ACTR3C: variants seen among roughly 807,000 people sequenced by gnomAD.
ACTR3C encodes actin-related protein 3C.
Under a neutral mutation model 26.3 loss-of-function variants are expected in ACTR3C, and 18 were observed. That is an observed-to-expected ratio of 0.68 (90% CI 0.47 to 1.01). The LOEUF is 1.01. Ranked by LOEUF, ACTR3C falls within the 50% of genes least tolerant of loss-of-function variation. The pLI is 0.00. For synonymous variants in ACTR3C, 55 were observed against 94.5 expected, an observed-to-expected ratio of 0.58 and a Z score of 2.42; for missense variants, 184 against 250.7, an observed-to-expected ratio of 0.73 and a Z score of 1.80.
chr7:150,200,757 A>G, the ACTR3C span, among the ~76,000 whole-genome samples: 2 of 152,154 alleles, frequency 1.3e-5, no homozygotes, highest in African/African-American at 4.8e-5. Context: ...AAGTTACTTA[A>G]TATCTCTGAG....
chr7:150,215,215 C>T, the ACTR3C span, among the ~76,000 whole-genome samples: 6 of 152,178 alleles, frequency 3.9e-5, no homozygotes, highest in East Asian at 1.2e-3. Flanking sequence ...AGTCAGCAAA[C>T]TCCTGTGGGT....
chr7:150,013,558 T>C, the ACTR3C span, among the ~76,000 whole-genome samples: 13 of 152,370 alleles, frequency 8.5e-5, no homozygotes, highest in African/African-American at 3.1e-4. Flanking sequence ...CTGGAGGCAC[T>C]GCATGGAACC....
the ACTR3C span, among the ~76,000 whole-genome samples, chr7:150,206,945 A>G: frequency 6.6e-5 from 10 of 152,202 alleles, no homozygotes; most frequent in Non-Finnish European, 1.5e-4. Flanking sequence ...TGACCATTGT[A>G]AAGGGGAAGT....
At chr7:150,005,885 C>T in the ACTR3C span, among the ~76,000 whole-genome samples, 6 of 152,182 alleles carry the variant, frequency 3.9e-5, no homozygotes, top group Non-Finnish European at 7.3e-5. Context: ...GCCAGGGTTA[C>T]AAGAAATGCA....
At chr7:150,266,403 T>A (rs1276587913) in intron 6 of ACTR3C, among the ~76,000 whole-genome samples, 1 of 150,900 alleles carries the variant, frequency 6.6e-6, no homozygotes, top group Non-Finnish European at 1.5e-5. Flanking sequence ...TTATTTACTT[T>A]CTCATTTCAT....
the ACTR3C span, among the ~76,000 whole-genome samples, chr7:150,200,562 A>G: frequency 1.3e-5 from 2 of 152,356 alleles, no homozygotes; most frequent in South Asian, 2.1e-4. Flanking sequence ...TCAAAACCAC[A>G]CTGAGATACC....
chr7:150,107,711 G>A, the ACTR3C span, among the ~76,000 whole-genome samples: 1 of 151,726 alleles, frequency 6.6e-6, no homozygotes, highest in Non-Finnish European at 1.5e-5. Context: ...GAGGTAGGGG[G>A]AGAGAGCTAT....
the ACTR3C span, among the ~76,000 whole-genome samples, chr7:150,005,398 G>A: frequency 6.6e-6 from 1 of 152,200 alleles, no homozygotes; most frequent in Non-Finnish European, 1.5e-5. Context: ...ATGTCCACAC[G>A]TCCTAGATGA....
At chr7:150,064,649 T>TACAC in the ACTR3C span, among the ~76,000 whole-genome samples, 2,604 of 145,210 alleles carry the variant, frequency 0.018, 20 homozygotes, top group African/African-American at 0.029. Flanking sequence ...TATTTTCACA[T>TACAC]ACACACACAC....
chr7:150,199,020 G>A, the ACTR3C span, among the ~76,000 whole-genome samples: 6 of 145,776 alleles, frequency 4.1e-5, no homozygotes, highest in East Asian at 6.2e-4. Context: ...CGCCCCGTCC[G>A]GGAGGTGAGG....
chr7:149,993,879 G>T, the ACTR3C span, among the ~76,000 whole-genome samples: 1 of 152,172 alleles, frequency 6.6e-6, no homozygotes, highest in African/African-American at 2.4e-5. Context: ...CTCAAAATCC[G>T]ATCGCATGTT....
At chr7:150,036,169 C>CCT in the ACTR3C span, among the ~76,000 whole-genome samples, 5 of 75,552 alleles carry the variant, frequency 6.6e-5, no homozygotes, top group South Asian at 8.5e-4. Flanking sequence ...CCTCCCCCCC[C>CCT]GCGATGGGAG....
At chr7:150,207,444 G>A in the ACTR3C span, among the ~76,000 whole-genome samples, 1 of 152,178 alleles carries the variant, frequency 6.6e-6, no homozygotes, top group African/African-American at 2.4e-5. Context: ...TTCAGCATTG[G>A]ATAAATTAAT....
the ACTR3C span, among the ~76,000 whole-genome samples, chr7:150,113,346 T>C: frequency 2.0e-5 from 3 of 152,212 alleles, no homozygotes; most frequent in South Asian, 6.2e-4. Flanking sequence ...AGATTGAGAA[T>C]CTCCCACTAA....
the ACTR3C span, chr7:149,881,959 C>T: frequency 6.6e-6 from 1 of 152,670 alleles, no homozygotes. Context: ...AGCGAGTGGG[C>T]AGGTGGGGGG....
the ACTR3C span, among the ~76,000 whole-genome samples, chr7:149,927,975 T>C: frequency 6.6e-6 from 1 of 152,132 alleles, no homozygotes; most frequent in Non-Finnish European, 1.5e-5. Flanking sequence ...TATTCTAGGT[T>C]GGTAATTTTA....
chr7:150,069,939 T>A, the ACTR3C span, among the ~76,000 whole-genome samples: 18 of 151,852 alleles, frequency 1.2e-4, no homozygotes, highest in Admixed American at 1.0e-3. Context: ...ACATGCTGAA[T>A]CTCCCAGCAA....
intron 1 of ACTR3C, among the ~76,000 whole-genome samples, chr7:150,306,668 G>C (rs73470356): frequency 6.6e-6 from 1 of 152,154 alleles, no homozygotes; most frequent in Non-Finnish European, 1.5e-5. Flanking sequence ...ACAACACAGC[G>C]AGACCCGGTT....
the ACTR3C span, among the ~76,000 whole-genome samples, chr7:149,945,833 G>A: frequency 1.3e-5 from 2 of 152,212 alleles, no homozygotes; most frequent in Non-Finnish European, 2.9e-5. Flanking sequence ...GACAGTGGTA[G>A]TCAGTCCGCT....
Sources: gnomAD v4.1 joint callset for allele counts (sites outside exome capture counted in the v4.1 genomes callset) on GRCh38, gnomAD v4.1.1 for gene constraint, MANE v1.5 for transcripts, NCBI Gene and HGNC (gene_info 2026-07-23, HGNC 2026-07-21) for gene names.